Variants in PCDHGA7 observed in about 807,000 individuals in gnomAD.
PCDHGA7 encodes the protein protocadherin gamma-A7.
A neutral mutation model predicts 58.3 loss-of-function variants in PCDHGA7; 44 were observed. The ratio of observed to expected loss-of-function variants is 0.75; its 90% CI spans 0.59 to 0.97. The LOEUF is 0.97. PCDHGA7 is among the 50% of genes least tolerant of loss of function. The pLI is 0.00. For synonymous variants in PCDHGA7, 516 were observed against 504.2 expected (o/e 1.02, Z -0.31); for missense variants, 1,266 against 1,188.7 (o/e 1.06, Z -0.96).
chr5:141,452,884 A>C (rs746547069), intron 1 of PCDHGA7, among the ~76,000 whole-genome samples: 1 of 152,204 alleles, frequency 6.6e-6, no homozygotes, highest in Non-Finnish European at 1.5e-5. Flanking sequence ...GTAATAATTT[A>C]TTCCACTTTT....
intron 1 of PCDHGA7, among the ~76,000 whole-genome samples, chr5:141,450,812 T>A (rs2098694727): frequency 7.5e-6 from 1 of 133,924 alleles, no homozygotes; most frequent in Admixed American, 7.4e-5. Context: ...ATTTATTTAT[T>A]TAATATTATT....
chr5:141,382,990 A>T lies in PCDHGA7; in HGVS notation c.91A>T (p.Ile31Phe). Residue 31 changes from isoleucine (I) to phenylalanine (F), a missense_variant, in exon 1 of 4, where the codon ATT becomes TTT. Transcript: ENST00000518325. ...CCCCTGGGAAGCCTGGGCAGGACGT[A>T]TTCTCTACTCCGTGTCGGAGGAGAC... ...GTPWEAWAGR[I>F]LYSVSEETDK... is the part of the protein sequence containing the mutation. The T allele has an allele frequency of 2.5e-6, 4 of 1,613,412 alleles. No individual in the cohort carries two copies. Among genetic ancestry groups the T allele is most frequent in the Non-Finnish European group, 3.4e-6 (4 of 1,179,602 alleles).
At chr5:141,463,650 A>G (rs1206605758) in intron 1 of PCDHGA7, among the ~76,000 whole-genome samples, 1 of 151,746 alleles carries the variant, frequency 6.6e-6, no homozygotes, top group South Asian at 2.1e-4. Flanking sequence ...ACGGGGTTTC[A>G]CCGTGTTAGC....
chr5:141,498,684 C>T (rs1255085852), intron 2 of PCDHGA7, among the ~76,000 whole-genome samples: 1 of 152,192 alleles, frequency 6.6e-6, no homozygotes, highest in South Asian at 2.1e-4. Flanking sequence ...GTAATCCCAG[C>T]ACTTTGGGAG....
At chr5:141,408,917 C>T (rs549266523) in intron 1 of PCDHGA7, 2 of 1,613,248 alleles carry the variant, frequency 1.2e-6, no homozygotes, top group Non-Finnish European at 8.5e-7. Context: ...CAATGATAAC[C>T]CCCCGGTTTT....
intron 1 of PCDHGA7, chr5:141,419,312 G>A (rs35892780): frequency 1.2e-6 from 2 of 1,613,962 alleles, no homozygotes; most frequent in South Asian, 2.2e-5. Context: ...CGGGCTCAAC[G>A]GCCGTGTCTC....
rs2099681350 is a variant in PCDHGA7, at chr5:141,489,024, C to T, written c.2425-5783C>T. 1 of 450,378 alleles carries T rather than the reference C, an allele frequency of 2.2e-6. No individual in the cohort carries two copies. The highest frequency in any genetic ancestry group is 3.9e-6 in the Non-Finnish European group (1 of 256,582). 27.9% of individuals were successfully genotyped at this position (450,378 alleles called of 1,614,324 possible). On this transcript the variant is annotated intron_variant, in intron 1 of 3. Coordinates refer to ENST00000518325, the MANE Select transcript of PCDHGA7 (RefSeq NM_018920.4). The surrounding 1 kb of genome is among the most constrained non-coding windows in gnomAD (Gnocchi z 4.5). ...CTGCTCTTCCAGCCCGCCTCTCCTC[C>T]TCCAGCTCCCCAGCTCCACTCAAAT... is the stretch of plus-strand genomic sequence containing the variant.
chr5:141,467,693 G>A lies in PCDHGA7; in HGVS notation c.2425-27114G>A, dbSNP rs543886467. Among the ~76,000 whole-genome samples the A allele has an allele frequency of 2.0e-4, 30 of 152,110 alleles. No individual in the cohort carries two copies. In the South Asian group the frequency reaches 5.6e-3, roughly 28 times the overall value. On this transcript the variant is annotated intron_variant, in intron 1 of 3. Transcript: ENST00000518325. ...TTTTATTTTTTTTAGACAGGGTCTGGCTCTGTTGCCCAGGCTGGAGTGTAG... is the reference window on the plus strand; with the variant it reads ...TTTTATTTTTTTTAGACAGGGTCTGACTCTGTTGCCCAGGCTGGAGTGTAG...
intron 1 of PCDHGA7, chr5:141,392,967 C>A (rs1442170331): frequency 1.2e-6 from 2 of 1,613,766 alleles, no homozygotes; most frequent in African/African-American, 2.7e-5. Context: ...CTCCAAGGAC[C>A]TGGGGCTGGA....
rs1282403944 is a variant in PCDHGA7 at position 141,485,452 on chromosome 5, G to A, written c.2425-9355G>A. ...TCATCAAGAACCCAATCGACCGAGA[G>A]GCACTGTGTGGGCTCAGTGCCAGCT... On this transcript the variant is annotated intron_variant, in intron 1 of 3. Transcript: ENST00000518325. The surrounding 1 kb of genome is among the most constrained non-coding windows in gnomAD (Gnocchi z 5.7). 2.5e-6 allele frequency: 4 copies of A among 1,614,054 alleles called. No individual in the cohort carries two copies. Among genetic ancestry groups the A allele is most frequent in the East Asian group, 4.5e-5 (2 of 44,884 alleles).
intron 1 of PCDHGA7, chr5:141,413,082 A>C: frequency 3.7e-6 from 5 of 1,344,442 alleles, no homozygotes; most frequent in Non-Finnish European, 5.1e-6. Context: ...CCCAGGCTAC[A>C]GAGACACCCT....
At chr5:141,399,949 A>G in intron 1 of PCDHGA7, 1 of 1,612,272 alleles carries the variant, frequency 6.2e-7, no homozygotes, top group Non-Finnish European at 8.5e-7. Flanking sequence ...GCTGCAGGCT[A>G]GCGAGCCCGG....
At chr5:141,496,630 T>C (rs2099770022) in intron 2 of PCDHGA7, among the ~76,000 whole-genome samples, 1 of 152,202 alleles carries the variant, frequency 6.6e-6, no homozygotes, top group Non-Finnish European at 1.5e-5. Context: ...TCAAAAGGCT[T>C]GGGCTGCCCT....
At chr5:141,507,931 G>A (rs1442781255) in intron 3 of PCDHGA7, 1 of 152,326 alleles carries the variant, frequency 6.6e-6, no homozygotes, top group African/African-American at 2.4e-5. Context: ...CTGCTGAGAG[G>A]GGTTAAGTAA....
chr5:141,390,730 A>G (rs964390196), intron 1 of PCDHGA7: 1 of 195,852 alleles, frequency 5.1e-6, no homozygotes, highest in African/African-American at 2.4e-5. Flanking sequence ...TTTAACTGGT[A>G]TGGTCTCCAT....
At chr5:141,387,725 C>A (rs986434485) in intron 1 of PCDHGA7, 2 of 1,183,102 alleles carry the variant, frequency 1.7e-6, no homozygotes, top group Non-Finnish European at 2.3e-6. Context: ...GACTCCCCAG[C>A]GCCAGCCTTT....
In PCDHGA7 at chr5:141,432,645, C is replaced by A. The variant is rs758701539; in HGVS notation, c.2424+47322C>A. ...CTGCACACGGGCGAGGTGCGCACGG[C>A]GCGAGCCCTGCTGGACAGAGACGCG... On this transcript the variant is annotated intron_variant, in intron 1 of 3. Coordinates refer to ENST00000518325, the MANE Select transcript of PCDHGA7 (RefSeq NM_018920.4). This position sits in a 1 kb window ranked among gnomAD's most constrained non-coding sequence, Gnocchi z 6.0. The A allele has an allele frequency of 1.2e-5, 20 of 1,613,628 alleles. No individual in the cohort carries two copies. The highest frequency in any genetic ancestry group is 1.6e-4 in the Middle Eastern group (1 of 6,066).
chr5:141,428,031 G>A (rs760882803), intron 1 of PCDHGA7: 6 of 1,607,376 alleles, frequency 3.7e-6, no homozygotes, highest in South Asian at 3.3e-5. Context: ...CGCAGAGTCC[G>A]GCTACCTGGT....
chr5:141,395,101 C>A (rs1197761808), intron 1 of PCDHGA7: 2 of 1,614,164 alleles, frequency 1.2e-6, no homozygotes, highest in East Asian at 4.5e-5. Context: ...ACCGCCGACT[C>A]GCGGAAGAGT....
Sources: allele counts gnomAD v4.1 joint callset (sites outside exome capture counted in the v4.1 genomes callset), GRCh38; gene constraint gnomAD v4.1.1; non-coding constraint Gnocchi (gnomAD v3.1); transcripts MANE v1.5; gene names NCBI Gene and HGNC (gene_info 2026-07-23, HGNC 2026-07-21).